Variants in SOX5 observed in about 807,000 individuals in gnomAD.
SOX5 encodes the protein SRY-box transcription factor 5.
SOX5 carries 9 observed loss-of-function variants against 92.0 expected under a neutral mutation model. The ratio of observed to expected loss-of-function variants is 0.10; its 90% CI spans 0.06 to 0.17. The LOEUF is 0.17. SOX5 is among the 10% of genes least tolerant of loss of function. The pLI, the probability that SOX5 is intolerant of heterozygous loss-of-function variation, is 1.00. For missense variants in SOX5, 642 were observed against 944.5 expected (o/e 0.68, Z 4.20); for synonymous variants, 344 against 336.3 (o/e 1.02, Z -0.25).
chr12:23,926,611 A>T (rs987243971), intron 1 of SOX5, among the ~76,000 whole-genome samples: 1 of 152,060 alleles, frequency 6.6e-6, no homozygotes, highest in Non-Finnish European at 1.5e-5. Context: ...GTATATTCAA[A>T]ATCCTATGCT....
intron 1 of SOX5, among the ~76,000 whole-genome samples, chr12:24,401,146 G>T (rs1013810291): frequency 3.9e-5 from 6 of 152,124 alleles, no homozygotes; most frequent in African/African-American, 1.4e-4. Flanking sequence ...GAGGTCAGGA[G>T]TTCAAGACCA....
intron 3 of SOX5, among the ~76,000 whole-genome samples, chr12:23,832,517 A>C (rs2096344980): frequency 6.6e-6 from 1 of 152,036 alleles, no homozygotes; most frequent in Non-Finnish European, 1.5e-5. Context: ...TGAAATACAT[A>C]ATGTTTCTGG....
chr12:24,196,652 C>T (rs559908622), intron 4 of SOX5, among the ~76,000 whole-genome samples: 26 of 152,144 alleles, frequency 1.7e-4, no homozygotes, highest in African/African-American at 6.0e-4. Context: ...GCCTATAATC[C>T]CAACACATTG....
At chr12:24,420,138 A>C (rs1391335891) in intron 1 of SOX5, among the ~76,000 whole-genome samples, 1 of 152,338 alleles carries the variant, frequency 6.6e-6, no homozygotes, top group Admixed American at 6.5e-5. Context: ...CTTTATTTTG[A>C]CAGGAAATTT....
intron 7 of SOX5, among the ~76,000 whole-genome samples, chr12:23,643,086 CAAAAAAAA>C (rs71444197): frequency 8.0e-5 from 5 of 62,614 alleles, no homozygotes; most frequent in African/African-American, 2.9e-4. Context: ...GACTCCGTCT[CAAAAAAAA>C]AAAAAAAAAA....
chr12:24,561,808 T>TA (rs1360616435), intron 1 of SOX5, among the ~76,000 whole-genome samples: 2 of 110,082 alleles, frequency 1.8e-5, no homozygotes, highest in Non-Finnish European at 3.5e-5. Flanking sequence ...TGACTAAGGT[T>TA]AGGGGGTGGG....
chr12:24,370,929 G>T (rs1956674943), intron 1 of SOX5, among the ~76,000 whole-genome samples: 1 of 152,152 alleles, frequency 6.6e-6, no homozygotes, highest in African/African-American at 2.4e-5. Flanking sequence ...TGACAATTTG[G>T]TAGAGAGAAT....
At chr12:24,409,627 T>C (rs1382454981) in intron 1 of SOX5, among the ~76,000 whole-genome samples, 2 of 152,164 alleles carry the variant, frequency 1.3e-5, no homozygotes, top group African/African-American at 2.4e-5. Context: ...CAAATCTACC[T>C]GTTTTGCAGA....
chr12:24,247,137 G>A lies in SOX5; in HGVS notation c.-77+30079C>T, dbSNP rs1047566881. ...CGAAATATATTTCCTGAGTGCCTCC[G>A]ATGCCGTGCCAAATACTGTGCTGTG... is the stretch of plus-strand genomic sequence containing the variant. On this transcript the variant is annotated intron_variant, in intron 3 of 4. Coordinates refer to the SOX5 transcript ENST00000446891. Among the ~76,000 whole-genome samples, 6 of 152,144 alleles carry A rather than the reference G, an allele frequency of 3.9e-5. No homozygotes were observed. The South Asian group carries it at 6.2e-4, about 16-fold the overall frequency.
intron 4 of SOX5, among the ~76,000 whole-genome samples, chr12:24,165,041 C>T (rs1372792306): frequency 6.6e-6 from 1 of 151,996 alleles, no homozygotes; most frequent in Non-Finnish European, 1.5e-5. Context: ...CTTGCAAACA[C>T]CTTTTCCTTG....
rs115602533 is a variant in SOX5 at position 23,782,635 on chromosome 12, A to G, written c.482-26911T>C. Among the ~76,000 whole-genome samples, 563 of 152,272 alleles carry G rather than the reference A, an allele frequency of 3.7e-3. 9 individuals are homozygous for G. The highest frequency in any genetic ancestry group is 0.013 in the African/African-American group (531 of 41,570). ...TGAAGGTGCATTTACTACAAATAAC[A>G]AATTCTTAAAACTAGTTTGTTCTAC... On this transcript the variant is annotated intron_variant, in intron 3 of 14. Coordinates refer to ENST00000451604, the MANE Select transcript of SOX5 (RefSeq NM_006940.6).
intron 1 of SOX5, among the ~76,000 whole-genome samples, chr12:24,439,343 T>G (rs556387038): frequency 6.6e-6 from 1 of 152,242 alleles, no homozygotes; most frequent in Non-Finnish European, 1.5e-5. Context: ...ATTTGCTTTA[T>G]TGCGGTGGTC....
intron 6 of SOX5, among the ~76,000 whole-genome samples, chr12:23,699,633 G>A (rs2090352527): frequency 6.6e-6 from 1 of 152,050 alleles, no homozygotes; most frequent in Non-Finnish European, 1.5e-5. Context: ...AAATACTTCA[G>A]TATTTATGTG....
intron 9 of SOX5, among the ~76,000 whole-genome samples, chr12:23,597,674 A>T (rs1952697683): frequency 6.6e-6 from 1 of 152,214 alleles, no homozygotes; most frequent in Non-Finnish European, 1.5e-5. Flanking sequence ...GTTTAACTCT[A>T]TGGGGTGATT....
intron 3 of SOX5, among the ~76,000 whole-genome samples, chr12:23,838,932 G>A (rs963436991): frequency 2.7e-4 from 40 of 149,362 alleles, no homozygotes; most frequent in East Asian, 9.9e-4. Context: ...CTCCACCTCC[G>A]GGGTTCAAGC....
chr12:24,447,886 T>C (rs997608693), intron 1 of SOX5, among the ~76,000 whole-genome samples: 4 of 152,010 alleles, frequency 2.6e-5, no homozygotes, highest in African/African-American at 9.7e-5. Flanking sequence ...GCGGACAAAT[T>C]GTTCTTAAGT....
At chr12:23,568,025 T>C (rs1947454579) in intron 10 of SOX5, among the ~76,000 whole-genome samples, 1 of 152,162 alleles carries the variant, frequency 6.6e-6, no homozygotes. Context: ...AGTCCTAAAC[T>C]TAATTATCTG....
intron 4 of SOX5, among the ~76,000 whole-genome samples, chr12:24,188,359 C>A (rs190288966): frequency 6.6e-6 from 1 of 152,150 alleles, no homozygotes; most frequent in Non-Finnish European, 1.5e-5. Context: ...TATTTTTATT[C>A]TTTATAATAG....
chr12:23,768,845 C>T (rs1249009124), intron 3 of SOX5, among the ~76,000 whole-genome samples: 2 of 151,976 alleles, frequency 1.3e-5, no homozygotes, highest in African/African-American at 4.8e-5. Flanking sequence ...CTAAAACATA[C>T]ATTTATGAGA....
Sources: allele counts gnomAD v4.1 joint callset (sites outside exome capture counted in the v4.1 genomes callset), GRCh38; gene constraint gnomAD v4.1.1; transcripts MANE v1.5; gene names NCBI Gene and HGNC (gene_info 2026-07-23, HGNC 2026-07-21).